TTC29: variants seen among roughly 807,000 people sequenced by gnomAD.
The protein encoded by TTC29 is tetratricopeptide repeat domain 29.
TTC29 carries 49 observed loss-of-function variants against 58.1 expected under a neutral mutation model. That is an observed-to-expected ratio of 0.84 (90% CI 0.67 to 1.07). The LOEUF (loss-of-function observed/expected upper bound fraction) is 1.07, where lower values mean the gene tolerates loss of function less well. TTC29 is among the 50% of genes least tolerant of loss of function. The probability of loss-of-function intolerance (pLI) is 0.00; values close to 1 mark genes in which losing one functional copy is unlikely to be tolerated. For missense variants in TTC29, 582 were observed against 555.6 expected, an observed-to-expected ratio of 1.05 and a Z score of -0.48; for synonymous variants, 209 against 196.8, an observed-to-expected ratio of 1.06 and a Z score of -0.52.
intron 11 of TTC29, among the ~76,000 whole-genome samples, chr4:146,751,031 T>C (rs555809433): frequency 6.6e-6 from 1 of 152,118 alleles, no homozygotes; most frequent in Admixed American, 6.5e-5. Flanking sequence ...ACACCCCACA[T>C]AAATGGTAAC....
intron 11 of TTC29, among the ~76,000 whole-genome samples, chr4:146,709,496 T>C (rs1441120260): frequency 1.3e-5 from 2 of 152,140 alleles, no homozygotes; most frequent in Non-Finnish European, 2.9e-5. Flanking sequence ...TCTCTTCTTT[T>C]CACTTTGTTT....
In TTC29 at chr4:146,939,800, G is replaced by A. The variant is rs778536285; in HGVS notation, c.92+4C>T. ...GAAAATAAGTAAAAACCAGGGGCAC[G>A]TACCTTGGAATTTTTCTGGAGGAGC... On this transcript the variant is annotated splice_donor_region_variant and intron_variant, in intron 3 of 12. Coordinates refer to ENST00000325106, the MANE Select transcript of TTC29 (RefSeq NM_031956.4). The A allele has an allele frequency of 2.9e-5, 47 of 1,610,068 alleles. No individual in the cohort carries two copies. The highest frequency in any genetic ancestry group is 3.5e-5 in the Non-Finnish European group (41 of 1,178,496).
intron 6 of TTC29, among the ~76,000 whole-genome samples, chr4:146,899,354 C>T (rs562174556): frequency 1.3e-5 from 2 of 152,320 alleles, no homozygotes; most frequent in East Asian, 3.9e-4. Context: ...TGAGAGCTTT[C>T]TCCTGTGCCC....
intron 9 of TTC29, among the ~76,000 whole-genome samples, chr4:146,831,283 T>TA (rs1280054571): frequency 6.6e-6 from 1 of 152,056 alleles, no homozygotes; most frequent in African/African-American, 2.4e-5. Flanking sequence ...TTAAAAAAAA[T>TA]AGATAGGTTC....
rs1179860639 is a variant in TTC29 at position 146,809,531 on chromosome 4, C to T, written c.1102-5846G>A. On this transcript the variant is annotated intron_variant, in intron 10 of 12. Coordinates refer to ENST00000325106, the MANE Select transcript of TTC29 (RefSeq NM_031956.4). ...TCCAGAATCGACAAAGGGCTAAAAT[C>T]CAGAATCTACAAAGAACTTCAACAA... 2.0e-5 allele frequency among the ~76,000 whole-genome samples: 3 copies of T among 149,530 alleles called. 1 individual carries two copies. The highest frequency in any genetic ancestry group is 7.4e-5 in the African/African-American group (3 of 40,786).
intron 11 of TTC29, among the ~76,000 whole-genome samples, chr4:146,754,932 A>G (rs1746324631): frequency 6.6e-6 from 1 of 152,066 alleles, no homozygotes; most frequent in African/African-American, 2.4e-5. Flanking sequence ...AATATAAGAT[A>G]CCCAAATCAG....
intron 4 of TTC29, among the ~76,000 whole-genome samples, chr4:146,910,999 C>A (rs752386791): frequency 6.6e-6 from 1 of 152,114 alleles, no homozygotes; most frequent in Non-Finnish European, 1.5e-5. Flanking sequence ...GTAGAAAAGT[C>A]AACATCCTGT....
At chr4:146,713,110 T>TTGTGTGTGTG (rs1742633416) in intron 11 of TTC29, among the ~76,000 whole-genome samples, 1 of 24,572 alleles carries the variant, frequency 4.1e-5, no homozygotes, top group African/African-American at 1.6e-4. Context: ...GGAGAATTGA[T>TTGTGTGTGTG]CGTGTGTGTG....
At chr4:146,888,940 T>A (rs1475747820) in intron 6 of TTC29, among the ~76,000 whole-genome samples, 1 of 152,108 alleles carries the variant, frequency 6.6e-6, no homozygotes, top group African/African-American at 2.4e-5. Flanking sequence ...CATAGTTAAT[T>A]AGCTAATGGC....
rs1427046474 is a variant in TTC29, at chr4:146,876,044, AGAGT to A, written c.587-1120_587-1117del. Among the ~76,000 whole-genome samples the A allele has an allele frequency of 4.0e-3, 603 of 152,326 alleles. 1 individual carries two copies. The highest frequency in any genetic ancestry group is 0.014 in the African/African-American group (573 of 41,588). ...CTAGGCACTCCAACCATAGTGGTTA[AGAGT>A]GAGTGTGGGCTCCGAGCAGACAGCC... is the stretch of plus-strand genomic sequence containing the variant. On this transcript the variant is annotated intron_variant, in intron 6 of 12. Transcript: ENST00000325106.
At chr4:146,779,874 G>A (rs547801845) in intron 11 of TTC29, among the ~76,000 whole-genome samples, 49 of 152,184 alleles carry the variant, frequency 3.2e-4, no homozygotes, top group African/African-American at 1.1e-3. Context: ...TATTTCCACT[G>A]CTTTTAGAAC....
intron 11 of TTC29, among the ~76,000 whole-genome samples, chr4:146,743,820 T>C (rs186072683): frequency 6.6e-4 from 101 of 152,358 alleles, no homozygotes; most frequent in Non-Finnish European, 1.3e-3. Flanking sequence ...CCATGAGCAA[T>C]GTGTGAACCC....
chr4:146,937,598 C>T lies in TTC29; in HGVS notation c.172G>A (p.Ala58Thr), dbSNP rs572116271. Reference sequence around the variant, plus strand: ...ACCTTTAAAGGTTGTACTTACGCAGCAACTTCCTCTTTTGATAATCCTTTG... The same window carrying T: ...ACCTTTAAAGGTTGTACTTACGCAGTAACTTCCTCTTTTGATAATCCTTTG... ...NFKGLSKEEVAAYRNSYKKNI... is the reference protein window; with the variant it reads ...NFKGLSKEEVTAYRNSYKKNI... The change falls in exon 4 of 13, where the codon GCT (alanine) becomes ACT (threonine). Residue 58 changes from alanine to threonine, a missense_variant. By Grantham distance (58) the Ala-to-Thr change is moderately conservative. Coordinates refer to ENST00000325106, the MANE Select transcript of TTC29 (RefSeq NM_031956.4). 1.2e-5 allele frequency: 19 copies of T among 1,522,208 alleles called. No homozygotes were observed. The East Asian group carries it at 4.4e-4, about 35-fold the overall frequency. The allele number at this position is 1,522,208 out of a possible 1,614,324, so 94.3% of individuals were successfully genotyped here.
intron 6 of TTC29, among the ~76,000 whole-genome samples, chr4:146,883,638 C>T (rs900580472): frequency 6.6e-6 from 1 of 152,010 alleles, no homozygotes; most frequent in Non-Finnish European, 1.5e-5. Context: ...GGAAATACTG[C>T]CTCCTGAACA....
In TTC29 at chr4:146,709,129, A is replaced by G. The variant is rs114661756; in HGVS notation, c.1331-1578T>C. ...CTACTTTCTTAATTTAGTAATTTCA[A>G]TGTAAAGGTAGAAGATTATTCCACC... is the stretch of plus-strand genomic sequence containing the variant. On this transcript the variant is annotated intron_variant, in intron 11 of 12. Coordinates refer to ENST00000325106, the MANE Select transcript of TTC29 (RefSeq NM_031956.4). Among the ~76,000 whole-genome samples the G allele has an allele frequency of 8.1e-3, 1,228 of 152,280 alleles. 26 individuals carry two copies. Among genetic ancestry groups the G allele is most frequent in the African/African-American group, 0.028 (1,149 of 41,572 alleles).
At chr4:146,808,757 C>A (rs1038290972) in intron 10 of TTC29, among the ~76,000 whole-genome samples, 3 of 152,170 alleles carry the variant, frequency 2.0e-5, no homozygotes, top group Admixed American at 2.0e-4. Flanking sequence ...AATGGAAAAA[C>A]ATTCCATGCT....
chr4:146,806,585 T>C (rs1750633599), intron 10 of TTC29, among the ~76,000 whole-genome samples: 1 of 151,694 alleles, frequency 6.6e-6, no homozygotes, highest in African/African-American at 2.4e-5. Context: ...GTTGCAATCC[T>C]AGTCTCTGAT....
chr4:146,833,422 A>G (rs574191716), intron 9 of TTC29, among the ~76,000 whole-genome samples: 3 of 152,354 alleles, frequency 2.0e-5, no homozygotes, highest in African/African-American at 7.2e-5. Context: ...TGAAGCATAA[A>G]TGGAAACTTT....
At chr4:146,804,052 C>T (rs1750426640) in intron 10 of TTC29, among the ~76,000 whole-genome samples, 1 of 152,160 alleles carries the variant, frequency 6.6e-6, no homozygotes, top group Non-Finnish European at 1.5e-5. Context: ...GTAACCGGCT[C>T]ATCTCTTTGG....
Sources: allele counts gnomAD v4.1 joint callset (sites outside exome capture counted in the v4.1 genomes callset), GRCh38; gene constraint gnomAD v4.1.1; transcripts MANE v1.5; gene names NCBI Gene and HGNC (gene_info 2026-07-23, HGNC 2026-07-21).